Variants in COL25A1 observed in about 807,000 individuals in gnomAD.
COL25A1 encodes collagen type XXV alpha 1 chain.
COL25A1 carries 103 observed loss-of-function variants against 128.4 expected under a neutral mutation model. The ratio of observed to expected loss-of-function variants is 0.80; its 90% confidence interval spans 0.68 to 0.94. COL25A1 has a LOEUF of 0.94. Ranked by LOEUF, COL25A1 falls within the 40% of genes least tolerant of loss-of-function variation. COL25A1 has a pLI of 0.00. For missense variants in COL25A1, 745 were observed against 840.0 expected (o/e 0.89, Z 1.40); for synonymous variants, 279 against 277.2 (o/e 1.01, Z -0.06).
chr4:109,291,304 T>C (rs1724455296), intron 3 of COL25A1, among the ~76,000 whole-genome samples: 1 of 152,156 alleles, frequency 6.6e-6, no homozygotes, highest in African/African-American at 2.4e-5. Context: ...GTATTGTATA[T>C]CTTGCTCACT....
intron 34 of COL25A1, 138 bp downstream of exon 34, chr4:108,825,058 C>T: frequency 3.4e-6 from 2 of 583,912 alleles, no homozygotes; most frequent in South Asian, 2.8e-5. Flanking sequence ...TTTTATATTG[C>T]TGTTTACATG....
At chr4:109,180,672 T>C (rs987027558) in intron 3 of COL25A1, among the ~76,000 whole-genome samples, 14 of 152,096 alleles carry the variant, frequency 9.2e-5, no homozygotes, top group Non-Finnish European at 1.6e-4. Flanking sequence ...AGATTTATAA[T>C]ATCCATTAAG....
At chr4:108,940,047 T>G (rs1483003973) in intron 10 of COL25A1, among the ~76,000 whole-genome samples, 1 of 152,208 alleles carries the variant, frequency 6.6e-6, no homozygotes, top group Non-Finnish European at 1.5e-5. Context: ...GGATTAAATA[T>G]TAGAATATTT....
chr4:108,937,913 T>C, intron 10 of COL25A1, 70 bp from the exon 11 acceptor site: 1 of 1,298,282 alleles, frequency 7.7e-7, no homozygotes, highest in South Asian at 1.3e-5. Context: ...AATCATTTTT[T>C]CTTCTTTGAC....
intron 3 of COL25A1, among the ~76,000 whole-genome samples, chr4:109,072,674 C>T (rs114062459): frequency 0.012 from 1,853 of 152,268 alleles, 37 homozygotes; most frequent in African/African-American, 0.042. Context: ...GAACCTTCTG[C>T]AAGTTTTCTG....
chr4:109,034,278 G>A (rs1759135924), intron 5 of COL25A1, among the ~76,000 whole-genome samples: 1 of 152,112 alleles, frequency 6.6e-6, no homozygotes, highest in Admixed American at 6.5e-5. Flanking sequence ...TGATAATGAG[G>A]ACACAATAAA....
intron 3 of COL25A1, among the ~76,000 whole-genome samples, chr4:109,181,963 T>G (rs1053638799): frequency 6.6e-6 from 1 of 152,100 alleles, no homozygotes; most frequent in African/African-American, 2.4e-5. Flanking sequence ...TGTCTTTCTG[T>G]GCCTGCATTA....
intron 3 of COL25A1, among the ~76,000 whole-genome samples, chr4:109,147,390 C>T (rs1036038838): frequency 6.6e-6 from 1 of 152,210 alleles, no homozygotes; most frequent in African/African-American, 2.4e-5. Flanking sequence ...GGGAATCGCT[C>T]ACTCCTCTGA....
intron 26 of COL25A1, 26 bp downstream of exon 26, chr4:108,852,210 A>G (rs1735865449): frequency 1.3e-6 from 2 of 1,584,314 alleles, no homozygotes; most frequent in African/African-American, 2.7e-5. Context: ...TATGTGATAA[A>G]TGGAAACAAG....
At chr4:109,277,959 C>A (rs1723003957) in intron 3 of COL25A1, among the ~76,000 whole-genome samples, 2 of 152,142 alleles carry the variant, frequency 1.3e-5, no homozygotes, top group South Asian at 4.2e-4. Context: ...CATGGTGAAA[C>A]CCCATCTCTA....
intron 13 of COL25A1, among the ~76,000 whole-genome samples, chr4:108,912,620 G>T (rs1744363512): frequency 6.6e-6 from 1 of 152,070 alleles, no homozygotes; most frequent in Non-Finnish European, 1.5e-5. Context: ...AAACTTTCAG[G>T]AATGTAGGTG....
At chr4:108,838,508 G>A (rs762932320) in intron 31 of COL25A1, among the ~76,000 whole-genome samples, 3 of 151,908 alleles carry the variant, frequency 2.0e-5, no homozygotes, top group East Asian at 1.9e-4. Flanking sequence ...AAAGACAATC[G>A]AGTGGAGGAT....
At chr4:108,827,409 T>G (rs557856581) in intron 32 of COL25A1, among the ~76,000 whole-genome samples, 3 of 152,378 alleles carry the variant, frequency 2.0e-5, no homozygotes, top group Admixed American at 6.5e-5. Flanking sequence ...AGATTGCTGC[T>G]GGCCAGCTGT....
At chr4:108,844,101 C>T (rs1734789436) in intron 30 of COL25A1, among the ~76,000 whole-genome samples, 1 of 152,108 alleles carries the variant, frequency 6.6e-6, no homozygotes, top group Non-Finnish European at 1.5e-5. Flanking sequence ...CCATGTTGCC[C>T]AGGCTGGTAA....
At position 109,221,698 on chromosome 4, in the gene COL25A1, G is replaced by A. The variant is rs1353881417; in HGVS notation, c.367+78885C>T. Among the ~76,000 whole-genome samples the A allele has an allele frequency of 2.0e-5, 3 of 152,124 alleles. No homozygotes were observed. The East Asian group carries it at 5.8e-4, about 29-fold the overall frequency. ...ACTGCAATGCTGTTAACAGTTAAGT[G>A]ACCCAATTTACACCTTCTGTGTTAT... On this transcript the variant is annotated intron_variant, in intron 3 of 37. Transcript: ENST00000399132.
intron 3 of COL25A1, among the ~76,000 whole-genome samples, chr4:109,283,825 C>G (rs568980575): frequency 6.6e-6 from 1 of 152,280 alleles, no homozygotes; most frequent in South Asian, 2.1e-4. Flanking sequence ...CTTTACTAAC[C>G]TTAGACTATC....
intron 3 of COL25A1, among the ~76,000 whole-genome samples, chr4:109,255,598 T>C (rs1781019706): frequency 6.6e-6 from 1 of 152,138 alleles, no homozygotes; most frequent in Non-Finnish European, 1.5e-5. Context: ...TGCTCATTCA[T>C]TCATTCTAAC....
chr4:109,166,774 T>C (rs1773113364), intron 3 of COL25A1, among the ~76,000 whole-genome samples: 1 of 152,234 alleles, frequency 6.6e-6, no homozygotes, highest in African/African-American at 2.4e-5. Flanking sequence ...AAATAATGCA[T>C]TCATTGAGTA....
chr4:108,977,870 T>C (rs867804264), intron 6 of COL25A1, among the ~76,000 whole-genome samples: 1 of 152,210 alleles, frequency 6.6e-6, no homozygotes, highest in East Asian at 1.9e-4. Flanking sequence ...CCAGCCTCCA[T>C]ATCCACCCCC....
Sources: gnomAD v4.1 joint callset for allele counts (sites outside exome capture counted in the v4.1 genomes callset) on GRCh38, gnomAD v4.1.1 for gene constraint, MANE v1.5 for transcripts, NCBI Gene and HGNC (gene_info 2026-07-23, HGNC 2026-07-21) for gene names.